The following CCSER1 variants were observed in gnomAD, a reference collection of about 807,000 sequenced individuals.
CCSER1 encodes the protein serine-rich coiled-coil domain-containing protein 1.
Under a neutral mutation model 82.0 loss-of-function variants are expected in CCSER1, and 41 were observed. The observed-to-expected ratio is 0.50, with a 90% confidence interval of 0.39 to 0.65. The LOEUF is 0.65. Among genes scored for constraint, CCSER1 ranks in the 30% least tolerant of loss-of-function variants. CCSER1 has a pLI of 0.00. For missense variants in CCSER1, 1,119 were observed against 1,064.2 expected (o/e 1.05, Z -0.72); for synonymous variants, 414 against 383.9 (o/e 1.08, Z -0.92).
At chr4:91,564,830 C>T (rs1440698557) in intron 10 of CCSER1, among the ~76,000 whole-genome samples, 2 of 151,886 alleles carry the variant, frequency 1.3e-5, no homozygotes, top group Non-Finnish European at 2.9e-5. Context: ...ATTCTGTTGT[C>T]TGTTTATGCT....
chr4:90,582,988 G>A lies in CCSER1; in HGVS notation c.1725-45037G>A, dbSNP rs151038862. Among the ~76,000 whole-genome samples the A allele has an allele frequency of 3.2e-3, 488 of 152,116 alleles. 3 individuals carry two copies. Among genetic ancestry groups the A allele is most frequent in the African/African-American group, 0.011 (466 of 41,484 alleles). The stretch of plus-strand genomic sequence containing the variant: ...GAATCATTACTAATACCATTTTTCA[G>A]TTCTTAAATACATTCAGTTTGTTAT... On this transcript the variant is annotated intron_variant, in intron 5 of 10. Coordinates refer to ENST00000509176, the MANE Select transcript of CCSER1 (RefSeq NM_001145065.2).
At chr4:90,509,339 C>A (rs1324021459) in intron 5 of CCSER1, among the ~76,000 whole-genome samples, 2 of 152,010 alleles carry the variant, frequency 1.3e-5, no homozygotes, top group African/African-American at 4.8e-5. Context: ...GTCTACAGCA[C>A]CTGGGAAGTG....
intron 5 of CCSER1, among the ~76,000 whole-genome samples, chr4:90,475,538 A>G (rs540591550): frequency 6.6e-5 from 10 of 152,184 alleles, no homozygotes; most frequent in Non-Finnish European, 1.3e-4. Flanking sequence ...CAGTGCTTCA[A>G]ATGTGTTCTC....
At chr4:90,901,208 G>A (rs78213644) in intron 8 of CCSER1, among the ~76,000 whole-genome samples, 210 of 151,818 alleles carry the variant, frequency 1.4e-3, no homozygotes, top group East Asian at 8.9e-3. Context: ...TCTCTTGAAC[G>A]CAGTAGATGG....
At chr4:90,700,719 T>C (rs1290470621) in intron 6 of CCSER1, among the ~76,000 whole-genome samples, 1 of 152,254 alleles carries the variant, frequency 6.6e-6, no homozygotes, top group Non-Finnish European at 1.5e-5. Flanking sequence ...TGATTTTGAT[T>C]TGCATTTCTC....
chr4:91,304,893 A>G (rs533510022), intron 10 of CCSER1, among the ~76,000 whole-genome samples: 47 of 152,174 alleles, frequency 3.1e-4, no homozygotes, highest in African/African-American at 8.9e-4. Context: ...AGAAAATTCA[A>G]TTATATGGTG....
intron 8 of CCSER1, among the ~76,000 whole-genome samples, chr4:90,841,531 T>C (rs1762567027): frequency 7.1e-6 from 1 of 141,386 alleles, no homozygotes; most frequent in Non-Finnish European, 1.5e-5. Flanking sequence ...TGAGCCGAGA[T>C]CGCTCCACTG....
intron 10 of CCSER1, among the ~76,000 whole-genome samples, chr4:91,188,988 A>C (rs2149045028): frequency 6.6e-6 from 1 of 152,244 alleles, no homozygotes; most frequent in South Asian, 2.1e-4. Context: ...AAATAGAATT[A>C]ATTCTAATCT....
At chr4:91,075,393 A>G (rs1364268456) in intron 9 of CCSER1, among the ~76,000 whole-genome samples, 1 of 152,122 alleles carries the variant, frequency 6.6e-6, no homozygotes, top group Non-Finnish European at 1.5e-5. Flanking sequence ...AATTTTTTCC[A>G]ACCACATCCC....
intron 9 of CCSER1, among the ~76,000 whole-genome samples, chr4:91,019,558 G>T (rs1339458805): frequency 6.6e-6 from 1 of 151,996 alleles, no homozygotes; most frequent in African/African-American, 2.4e-5. Flanking sequence ...AGACAAATAA[G>T]GTAAAACCTG....
At chr4:90,749,092 T>C (rs1460082957) in intron 7 of CCSER1, among the ~76,000 whole-genome samples, 1 of 151,988 alleles carries the variant, frequency 6.6e-6, no homozygotes, top group Non-Finnish European at 1.5e-5. Context: ...TTTTGGTGTT[T>C]TAGACATGAA....
intron 10 of CCSER1, among the ~76,000 whole-genome samples, chr4:91,568,000 G>A (rs2110274661): frequency 6.6e-6 from 1 of 152,178 alleles, no homozygotes; most frequent in Non-Finnish European, 1.5e-5. Context: ...TTAGCTAGTA[G>A]AGGTCTTTTC....
At chr4:90,392,083 A>G (rs1751268001) in intron 3 of CCSER1, among the ~76,000 whole-genome samples, 1 of 151,974 alleles carries the variant, frequency 6.6e-6, no homozygotes, top group Non-Finnish European at 1.5e-5. Flanking sequence ...TAGAACCTCT[A>G]TTATTTTTGT....
intron 5 of CCSER1, among the ~76,000 whole-genome samples, chr4:90,489,733 C>T (rs1767672446): frequency 6.6e-6 from 1 of 152,096 alleles, no homozygotes; most frequent in Non-Finnish European, 1.5e-5. Flanking sequence ...CAGGTGTTCT[C>T]ATTGTTTAAT....
chr4:91,552,412 G>A (rs937684315), intron 10 of CCSER1, among the ~76,000 whole-genome samples: 1 of 151,578 alleles, frequency 6.6e-6, no homozygotes, highest in Non-Finnish European at 1.5e-5. Flanking sequence ...ACATTCTTGG[G>A]GCTAGAAATT....
At chr4:90,862,960 T>G (rs1194638742) in intron 8 of CCSER1, among the ~76,000 whole-genome samples, 7 of 150,552 alleles carry the variant, frequency 4.6e-5, no homozygotes, top group African/African-American at 7.3e-5. Flanking sequence ...TTATTATTAT[T>G]TAAGTTTTAG....
intron 10 of CCSER1, among the ~76,000 whole-genome samples, chr4:91,499,910 A>G (rs1759115591): frequency 6.6e-6 from 1 of 152,054 alleles, no homozygotes; most frequent in Non-Finnish European, 1.5e-5. Flanking sequence ...CTAGTTTGGC[A>G]GTTATGAATA....
intron 3 of CCSER1, among the ~76,000 whole-genome samples, chr4:90,330,869 G>A (rs1739155989): frequency 6.6e-6 from 1 of 152,222 alleles, no homozygotes; most frequent in South Asian, 2.1e-4. Context: ...TTTTGATTCA[G>A]TGCAGTGGGG....
rs539893301 is a variant in CCSER1, at chr4:90,231,997, T to C, written c.-41-76247T>C. ...AGGATACAAACAAATGGAAGAACATTCCATGCTCATGGGTAGGAAGAATCA... is the reference window on the plus strand; with the variant it reads ...AGGATACAAACAAATGGAAGAACATCCCATGCTCATGGGTAGGAAGAATCA... On this transcript the variant is annotated intron_variant, in intron 1 of 10. Coordinates refer to ENST00000509176, the MANE Select transcript of CCSER1 (RefSeq NM_001145065.2). 8.5e-4 allele frequency among the ~76,000 whole-genome samples: 129 copies of C among 151,942 alleles called. 1 individual carries two copies. The highest frequency in any genetic ancestry group is 2.8e-3 in the African/African-American group (118 of 41,412).
Sources: gnomAD v4.1 joint callset for allele counts (sites outside exome capture counted in the v4.1 genomes callset) on GRCh38, gnomAD v4.1.1 for gene constraint, MANE v1.5 for transcripts, NCBI Gene and HGNC (gene_info 2026-07-23, HGNC 2026-07-21) for gene names.